The following ATR variants were observed in gnomAD, a reference collection of about 807,000 sequenced individuals.
ATR encodes ATR checkpoint kinase.
In ATR, 142 loss-of-function variants were observed where a neutral mutation model predicts 305.3. That is an observed-to-expected ratio of 0.47 (90% CI 0.41 to 0.53). The LOEUF (loss-of-function observed/expected upper bound fraction) is 0.53, where lower values mean the gene tolerates loss of function less well. Ranked by LOEUF, ATR falls within the 20% of genes least tolerant of loss-of-function variation. ATR has a pLI of 0.00. For missense variants in ATR, 2,135 were observed against 3,133.1 expected (o/e 0.68, Z 7.60); for synonymous variants, 1,050 against 1,068.1 (o/e 0.98, Z 0.33).
chr3:142,480,363 G>A (rs1164359857), intron 36 of ATR, among the ~76,000 whole-genome samples: 1 of 152,226 alleles, frequency 6.6e-6, no homozygotes, highest in African/African-American at 2.4e-5. Context: ...TCCAGACTCT[G>A]TTTGCCTGGG....
chr3:142,455,460 T>TG (rs920020664), intron 45 of ATR, among the ~76,000 whole-genome samples: 2 of 152,088 alleles, frequency 1.3e-5, no homozygotes, highest in African/African-American at 2.4e-5. Flanking sequence ...TAAATGATCT[T>TG]GGGGGAAAAA....
Position 142,519,703 on chromosome 3 carries a change from C to T in ATR, c.4348G>A (p.Val1450Ile), listed in dbSNP as rs755841740. The T allele has an allele frequency of 5.0e-6, 8 of 1,613,858 alleles. No homozygotes were observed. In the South Asian group the frequency reaches 8.8e-5, roughly 18 times the overall value. Residue 1450 changes from valine to isoleucine, a missense_variant, in exon 24 of 47, where the codon GTT (valine) becomes ATT (isoleucine). By Grantham distance (29) the Val-to-Ile change is conservative. Coordinates refer to ENST00000350721, the MANE Select transcript of ATR (RefSeq NM_001184.4). ...AGATGAGGTTCTAGTATTTCCCGAA[C>T]ATGCTCAGGAAATCTCCTCCACAAT... is the stretch of plus-strand genomic sequence containing the variant. ...HQLWRRFPEH[V>I]REILEPHLNT...
At chr3:142,462,229 T>G in intron 41 of ATR, 139 bp from the exon 42 acceptor site, 1 of 805,626 alleles carries the variant, frequency 1.2e-6, no homozygotes, top group East Asian at 2.7e-5. Context: ...ACATGAATAA[T>G]TCTTCTGAAT....
chr3:142,457,849 G>A (rs2070940198), intron 44 of ATR, 94 bp from the exon 45 acceptor site: 3 of 1,358,414 alleles, frequency 2.2e-6, no homozygotes, highest in Admixed American at 2.0e-5. Flanking sequence ...TTAGCAAAAA[G>A]CAAAAATACC....
intron 25 of ATR, among the ~76,000 whole-genome samples, chr3:142,514,159 G>C (rs2032739443): frequency 1.3e-5 from 2 of 151,902 alleles, no homozygotes; most frequent in South Asian, 2.1e-4. Flanking sequence ...TGTAGTTCCA[G>C]ATACTCGGGA....
chr3:142,473,547 C>CT (rs761452998), intron 36 of ATR, among the ~76,000 whole-genome samples: 1,477 of 137,864 alleles, frequency 0.011, 19 homozygotes, highest in South Asian at 0.032. Flanking sequence ...CAGCTTTATT[C>CT]TTTTTTTTTT....
chr3:142,488,081 A>G (rs780572694), intron 35 of ATR, among the ~76,000 whole-genome samples: 10 of 152,286 alleles, frequency 6.6e-5, no homozygotes, highest in Non-Finnish European at 1.0e-4. Flanking sequence ...AGTTCAATCA[A>G]TGGAAGGTAG....
At chr3:142,453,598 C>G (rs1444490515) in intron 45 of ATR, among the ~76,000 whole-genome samples, 1 of 152,162 alleles carries the variant, frequency 6.6e-6, no homozygotes, top group African/African-American at 2.4e-5. Flanking sequence ...CCATATAGAC[C>G]TAGCCCAGAC....
chr3:142,467,378 G>T (rs2071155737), intron 39 of ATR, among the ~76,000 whole-genome samples: 1 of 152,040 alleles, frequency 6.6e-6, no homozygotes, highest in Admixed American at 6.6e-5. Flanking sequence ...ATAACCATCT[G>T]CTTAGTTCCC....
In ATR at chr3:142,557,248, C is replaced by G. The variant is rs35971320; in HGVS notation, c.1886-673G>C. On this transcript the variant is annotated intron_variant, in intron 8 of 46. Coordinates refer to ENST00000350721, the MANE Select transcript of ATR (RefSeq NM_001184.4). ...AAGTCCCTAAATGGTGGCGATGCTACTGGTCTGTGGAGCATACTTTTCAAA... is the reference window on the plus strand; with the variant it reads ...AAGTCCCTAAATGGTGGCGATGCTAGTGGTCTGTGGAGCATACTTTTCAAA... Among the ~76,000 whole-genome samples, 1,471 of 152,014 alleles carry G rather than the reference C, an allele frequency of 9.7e-3. 11 individuals are homozygous for G. Among genetic ancestry groups the G allele is most frequent in the Admixed American group, 0.017 (259 of 15,258 alleles).
chr3:142,511,467 C>G (rs1183683728), intron 27 of ATR, among the ~76,000 whole-genome samples: 4 of 151,724 alleles, frequency 2.6e-5, no homozygotes, highest in Non-Finnish European at 4.4e-5. Flanking sequence ...ACCAGCCTGG[C>G]CAACATGGTG....
chr3:142,532,195 G>A (rs997119571), intron 21 of ATR, among the ~76,000 whole-genome samples: 10 of 152,274 alleles, frequency 6.6e-5, no homozygotes, highest in East Asian at 3.9e-4. Flanking sequence ...CGTCACTCAC[G>A]CTGGGAGCTG....
At chr3:142,472,549 T>A (rs2071312514) in intron 36 of ATR, among the ~76,000 whole-genome samples, 1 of 152,238 alleles carries the variant, frequency 6.6e-6, no homozygotes. Context: ...TATACCTCTG[T>A]TGGTCATTTT....
At chr3:142,459,153 G>A (rs2108260907) in intron 43 of ATR, 42 bp from the exon 44 acceptor site, 3 of 1,612,958 alleles carry the variant, frequency 1.9e-6, no homozygotes, top group Non-Finnish European at 2.5e-6. Flanking sequence ...ATATACATAT[G>A]AGGCCAATAT....
In ATR at chr3:142,560,246, CAAG is replaced by C; in HGVS notation, c.1541+14_1541+16del. ...TTACAGGAAACCCAACCCCAAGAAACAAGAAGTTTGTTTTACCAGTTCATGTTT... is the reference window on the plus strand; with the variant it reads ...TTACAGGAAACCCAACCCCAAGAAACAAGTTTGTTTTACCAGTTCATGTTT... On this transcript the variant is annotated intron_variant, in intron 6 of 46. Coordinates refer to ENST00000350721, the MANE Select transcript of ATR (RefSeq NM_001184.4). 6.2e-7 allele frequency: 1 copy of C among 1,610,928 alleles called. No homozygotes were observed.
intron 41 of ATR, 50 bp from the exon 42 acceptor site, chr3:142,462,140 C>T (rs2108266537): frequency 6.6e-7 from 1 of 1,524,804 alleles, no homozygotes; most frequent in Non-Finnish European, 9.0e-7. Context: ...CTCAAAATTT[C>T]TAAATGTTAT....
intron 21 of ATR, among the ~76,000 whole-genome samples, chr3:142,533,401 G>T (rs1301421356): frequency 2.0e-5 from 3 of 152,216 alleles, no homozygotes; most frequent in Non-Finnish European, 2.9e-5. Context: ...TGTGGCTAGT[G>T]GCTACTGCTG....
intron 23 of ATR, among the ~76,000 whole-genome samples, chr3:142,521,834 C>CA (rs1486012333): frequency 2.0e-5 from 3 of 152,176 alleles, no homozygotes; most frequent in Non-Finnish European, 1.5e-5. Flanking sequence ...ACTGTGGTTC[C>CA]ACTCAAAATG....
intron 36 of ATR, among the ~76,000 whole-genome samples, chr3:142,477,816 C>G (rs553539914): frequency 1.3e-5 from 2 of 152,258 alleles, no homozygotes; most frequent in Admixed American, 6.5e-5. Flanking sequence ...CTGGTTTAGT[C>G]TTGGGAGGGT....
Sources: gnomAD v4.1 joint callset for allele counts (sites outside exome capture counted in the v4.1 genomes callset) on GRCh38, gnomAD v4.1.1 for gene constraint, MANE v1.5 for transcripts, NCBI Gene and HGNC (gene_info 2026-07-23, HGNC 2026-07-21) for gene names.